Variants in HK2 observed in about 807,000 individuals in gnomAD.
HK2 encodes the protein hexokinase 2, also known as hexokinase-2.
Under a neutral mutation model 92.9 loss-of-function variants are expected in HK2, and 42 were observed. That is an observed-to-expected ratio of 0.45 (90% CI 0.35 to 0.58). HK2 has a LOEUF of 0.58. HK2 is among the 20% of genes least tolerant of loss of function. HK2 has a pLI of 0.00. For missense variants in HK2, 978 were observed against 1,245.1 expected, an observed-to-expected ratio of 0.79 and a Z score of 3.23; for synonymous variants, 422 against 468.0, an observed-to-expected ratio of 0.90 and a Z score of 1.27.
rs770589822 is a variant in HK2, at chr2:74,881,871, G to A, written c.1719+12G>A. On this transcript the variant is annotated intron_variant, in intron 11 of 17. Transcript: ENST00000290573. ...GCACCGGGGACGAGGTGAGCAGGGC[G>A]GCGCCTTCAGGAGGGGGCCCCTGGT... 12 of 1,613,542 alleles carry A rather than the reference G, an allele frequency of 7.4e-6. No individual in the cohort carries two copies. Among genetic ancestry groups the A allele is most frequent in the African/African-American group, 5.3e-5 (4 of 74,924 alleles).
intron 1 of HK2, among the ~76,000 whole-genome samples, chr2:74,848,215 G>A (rs1688488085): frequency 6.6e-6 from 1 of 152,108 alleles, no homozygotes; most frequent in Non-Finnish European, 1.5e-5. Flanking sequence ...GCCTTGTATT[G>A]TGCCCGACAT....
In HK2 at chr2:74,878,761, G is replaced by A; in HGVS notation, c.1105G>A (p.Val369Met). 9.4e-6 allele frequency: 15 copies of A among 1,593,646 alleles called. No homozygotes were observed. The highest frequency in any genetic ancestry group is 3.4e-5 in the South Asian group (3 of 87,632). The change falls in exon 9 of 18, where the codon GTG becomes ATG. Residue 369 changes from valine to methionine, a missense_variant. Physicochemically the swap from Val to Met is conservative, Grantham distance 21 (BLOSUM62 1). Coordinates refer to ENST00000290573, the MANE Select transcript of HK2 (RefSeq NM_000189.5). Reference protein sequence around the residue: ...LGLDPTQEDCVATHRICQIVS... With the variant: ...LGLDPTQEDCMATHRICQIVS... The stretch of plus-strand genomic sequence containing the variant: ...CCTGGACCCGACTCAGGAGGACTGC[G>A]TGGCCACTCACCGGATCTGCCAGAT...
chr2:74,853,570 A>G (rs776692955), intron 1 of HK2, among the ~76,000 whole-genome samples: 8 of 150,942 alleles, frequency 5.3e-5, no homozygotes, highest in Non-Finnish European at 1.0e-4. Flanking sequence ...CAACAAAATT[A>G]GCCAGACATG....
At chr2:74,873,743 G>C in intron 5 of HK2, 101 bp from the exon 6 acceptor site, 2 of 752,066 alleles carry the variant, frequency 2.7e-6, no homozygotes, top group Non-Finnish European at 4.7e-6. Context: ...GGGAGAGAGA[G>C]AGAAGGAGGA....
At chr2:74,871,234 G>A (rs1427768494) in intron 3 of HK2, among the ~76,000 whole-genome samples, 3 of 152,216 alleles carry the variant, frequency 2.0e-5, no homozygotes, top group African/African-American at 7.2e-5. Flanking sequence ...GGTTAAGGGA[G>A]TGAGGTTGCT....
At chr2:74,885,088 C>T (rs1689488950) in intron 12 of HK2, among the ~76,000 whole-genome samples, 1 of 152,224 alleles carries the variant, frequency 6.6e-6, no homozygotes, top group African/African-American at 2.4e-5. Context: ...AGAAGTTGCA[C>T]AGCAGGGTCA....
intron 1 of HK2, among the ~76,000 whole-genome samples, chr2:74,851,368 AC>A (rs1688563052): frequency 6.6e-6 from 1 of 152,212 alleles, no homozygotes; most frequent in African/African-American, 2.4e-5. Context: ...CTGTCATTGA[AC>A]ATGTGGAAGA....
At position 74,841,193 on chromosome 2, in the gene HK2, A is replaced by G. The variant is rs927492112; in HGVS notation, c.63+6550A>G. Among the ~76,000 whole-genome samples the G allele has an allele frequency of 3.3e-5, 5 of 152,176 alleles. 1 individual carries two copies. The highest frequency in any genetic ancestry group is 4.1e-4 in the South Asian group (2 of 4,824). On this transcript the variant is annotated intron_variant, in intron 1 of 17. Transcript: ENST00000290573. The stretch of plus-strand genomic sequence containing the variant: ...TCTTCATTTAGAGCAGTAGTTTTCA[A>G]GTAGGAGTGATTTTATACCCCAGTG...
rs1005775466 is a variant in HK2, at chr2:74,892,016, T to G, written c.*1075T>G. 5.2e-5 allele frequency: 8 copies of G among 152,480 alleles called. No individual in the cohort carries two copies. Among genetic ancestry groups the G allele is most frequent in the African/African-American group, 1.9e-4 (8 of 41,388 alleles). The allele number at this position is 152,480 out of a possible 1,614,324, so 9.4% of individuals were successfully genotyped here. A position where few individuals can be genotyped will look rare whatever the true frequency, so the allele number is the denominator to read the frequency against. On this transcript the variant is annotated 3_prime_UTR_variant, in exon 18 of 18. Transcript: ENST00000290573. Reference sequence around the variant, plus strand: ...CCTCCTTCCCCTGTGGTCTTGGAAGTGTGTGGAAGGCAGGGACAGAGATGG... The same window carrying G: ...CCTCCTTCCCCTGTGGTCTTGGAAGGGTGTGGAAGGCAGGGACAGAGATGG...
chr2:74,860,037 A>T (rs1362130404), intron 2 of HK2, among the ~76,000 whole-genome samples: 1 of 152,188 alleles, frequency 6.6e-6, no homozygotes, highest in East Asian at 1.9e-4. Flanking sequence ...ATGGAACTGG[A>T]GGCTGTTATT....
intron 2 of HK2, among the ~76,000 whole-genome samples, chr2:74,861,566 T>C (rs1444347433): frequency 6.6e-6 from 1 of 152,148 alleles, no homozygotes; most frequent in Admixed American, 6.5e-5. Context: ...CAACCAAGGC[T>C]AAAAAAGGAT....
At position 74,887,938 on chromosome 2, in the gene HK2, A is replaced by G. The variant is rs904590054; in HGVS notation, c.2255A>G (p.Glu752Gly). The G allele has an allele frequency of 3.1e-6, 5 of 1,613,910 alleles. No homozygotes were observed. Among genetic ancestry groups the G allele is most frequent in the Non-Finnish European group, 4.2e-6 (5 of 1,179,986 alleles). Residue 752 changes from glutamate to glycine, a missense_variant, in exon 16 of 18, where the codon GAG becomes GGG. Around this residue, in one of 3 missense-constraint regions of HK2, gnomAD observed 742 missense variants for 922.5 expected, o/e 0.80. Coordinates refer to ENST00000290573, the MANE Select transcript of HK2 (RefSeq NM_000189.5). ...EKMISGMYLGEIVRNILIDFT... is the reference protein window; with the variant it reads ...EKMISGMYLGGIVRNILIDFT... The stretch of plus-strand genomic sequence containing the variant: ...ATGATCAGTGGAATGTACCTGGGTG[A>G]GATTGTCCGTAACATTCTCATCGAT...
Position 74,872,429 on chromosome 2 carries a change from G to T in HK2, c.495+10G>T, listed in dbSNP as rs1217783828. Reference sequence around the variant, plus strand: ...GACTAAACTAGACGAGGTAAGATGGGCTCCTCAGACACTTGTTGCTTCACT... The same window carrying T: ...GACTAAACTAGACGAGGTAAGATGGTCTCCTCAGACACTTGTTGCTTCACT... On this transcript the variant is annotated intron_variant, in intron 4 of 17. Transcript: ENST00000290573. 1 of 1,613,868 alleles carries T rather than the reference G, an allele frequency of 6.2e-7. No individual in the cohort carries two copies. Among genetic ancestry groups the T allele is most frequent in the Admixed American group, 1.7e-5 (1 of 60,018 alleles).
chr2:74,849,822 T>A (rs1688524828), intron 1 of HK2, among the ~76,000 whole-genome samples: 1 of 152,218 alleles, frequency 6.6e-6, no homozygotes, highest in Admixed American at 6.5e-5. Context: ...AAGAGTCCTC[T>A]AATGTCGCAC....
Position 74,875,629 on chromosome 2 carries a change from T to G in HK2, c.875+1180T>G, listed in dbSNP as rs573789147. 4.3e-4 allele frequency among the ~76,000 whole-genome samples: 65 copies of G among 152,206 alleles called. No homozygotes were observed. The South Asian group carries it at 0.012, about 29-fold the overall frequency. On this transcript the variant is annotated intron_variant, in intron 7 of 17. Transcript: ENST00000290573. The stretch of plus-strand genomic sequence containing the variant: ...CAGGCGTGAGCCACCGCGCCCGGCC[T>G]GAGAGTCCTTGCTTTGTCAAAGCAT...
chr2:74,873,108 A>G (rs992966459), intron 4 of HK2, among the ~76,000 whole-genome samples, 168 bp from the exon 5 acceptor site: 4 of 152,230 alleles, frequency 2.6e-5, no homozygotes, highest in Non-Finnish European at 5.9e-5. Context: ...TTATAGTGCC[A>G]GTTGTCCTGA....
intron 2 of HK2, among the ~76,000 whole-genome samples, chr2:74,866,541 G>A (rs1688953631): frequency 6.6e-6 from 1 of 152,118 alleles, no homozygotes; most frequent in Non-Finnish European, 1.5e-5. Context: ...CACACAATGG[G>A]GCCCTTCCCC....
chr2:74,861,054 G>A (rs41498345), intron 2 of HK2, among the ~76,000 whole-genome samples: 26,613 of 152,130 alleles, frequency 0.17, 2,900 homozygotes, highest in East Asian at 0.33. Context: ...CAGCCCTAAC[G>A]CAGTTCTGTC....
At position 74,887,961 on chromosome 2, in the gene HK2, G is replaced by T. The variant is rs1031667640; in HGVS notation, c.2278G>T (p.Asp760Tyr). 1.9e-6 allele frequency: 3 copies of T among 1,613,988 alleles called. No individual in the cohort carries two copies. Among genetic ancestry groups the T allele is most frequent in the African/African-American group, 1.3e-5 (1 of 75,012 alleles). Residue 760 changes from aspartate (D) to tyrosine (Y), a missense_variant, in exon 16 of 18, where the codon GAT becomes TAT. Physicochemically the swap from Asp to Tyr is radical, Grantham distance 160. This residue lies in a region of HK2 where 742 missense variants were observed against 922.5 expected (regional missense o/e 0.80). Transcript: ENST00000290573. ...LGEIVRNILI[D>Y]FTKRGLLFRG... ...TGAGATTGTCCGTAACATTCTCATC[G>T]ATTTCACCAAGCGTGGACTACTCTT... is the stretch of plus-strand genomic sequence containing the variant.
Sources: gnomAD v4.1 joint callset for allele counts (sites outside exome capture counted in the v4.1 genomes callset) on GRCh38, gnomAD v4.1.1 for gene constraint, gnomAD v4.1.1 regional missense constraint, MANE v1.5 for transcripts, NCBI Gene and HGNC (gene_info 2026-07-23, HGNC 2026-07-21) for gene names.